Variants in TENM2 observed in about 807,000 individuals in gnomAD.
The protein encoded by TENM2 is teneurin-2.
TENM2 carries 52 observed loss-of-function variants against 245.2 expected under a neutral mutation model. The ratio of observed to expected loss-of-function variants is 0.21; its 90% CI spans 0.17 to 0.27. The LOEUF is 0.27. Ranked by LOEUF, TENM2 falls within the 10% of genes least tolerant of loss-of-function variation. The pLI, the probability that TENM2 is intolerant of heterozygous loss-of-function variation, is 1.00. For missense variants in TENM2, 3,046 were observed against 3,666.8 expected (o/e 0.83, Z 4.37); for synonymous variants, 1,363 against 1,438.9 (o/e 0.95, Z 1.19).
At chr5:167,600,846 A>G (rs1349243172) in intron 2 of TENM2, among the ~76,000 whole-genome samples, 1 of 152,246 alleles carries the variant, frequency 6.6e-6, no homozygotes, top group Non-Finnish European at 1.5e-5. Context: ...TCCTAGACAG[A>G]TGAGACTGTG....
At chr5:167,503,610 T>C (rs1769355757) in intron 2 of TENM2, among the ~76,000 whole-genome samples, 2 of 152,068 alleles carry the variant, frequency 1.3e-5, no homozygotes, top group East Asian at 1.9e-4. Flanking sequence ...AAAACAGATA[T>C]TGGCTGGGAA....
At chr5:167,445,369 A>AGAGAGAGAGAGAGAGAGAGAGTGT (rs35699708) in intron 2 of TENM2, among the ~76,000 whole-genome samples, 3 of 98,602 alleles carry the variant, frequency 3.0e-5, no homozygotes, top group African/African-American at 5.0e-5. Flanking sequence ...AGAGAGAGAG[A>AGAGAGAGAGAGAGAGAGAGAGTGT]GTGTCAGGTG....
At chr5:167,148,412 A>G in the TENM2 span, among the ~76,000 whole-genome samples, 1 of 152,144 alleles carries the variant, frequency 6.6e-6, no homozygotes, top group Non-Finnish European at 1.5e-5. Context: ...TCTTTTGGTG[A>G]CTTCATGATT....
At chr5:167,636,186 A>G (rs1018492939) in intron 2 of TENM2, among the ~76,000 whole-genome samples, 3 of 152,210 alleles carry the variant, frequency 2.0e-5, no homozygotes, top group Admixed American at 6.5e-5. Flanking sequence ...CTATAAAGAA[A>G]TAATAAATCT....
At chr5:167,134,290 C>T in the TENM2 span, among the ~76,000 whole-genome samples, 43 of 152,176 alleles carry the variant, frequency 2.8e-4, no homozygotes, top group African/African-American at 1.0e-3. Flanking sequence ...CATTAGTAGC[C>T]GCATATTGGA....
intron 2 of TENM2, among the ~76,000 whole-genome samples, chr5:167,412,855 G>A (rs1319579524): frequency 6.8e-6 from 1 of 146,564 alleles, no homozygotes; most frequent in South Asian, 2.2e-4. Context: ...TGAGTGCAGA[G>A]TCTGAAAATA....
At chr5:167,405,008 A>G (rs1273884443) in intron 2 of TENM2, among the ~76,000 whole-genome samples, 1 of 152,156 alleles carries the variant, frequency 6.6e-6, no homozygotes, top group Non-Finnish European at 1.5e-5. Context: ...TGCCTATTTT[A>G]GACATTTCAT....
At chr5:167,498,499 AG>A (rs1375306103) in intron 2 of TENM2, among the ~76,000 whole-genome samples, 16 of 152,152 alleles carry the variant, frequency 1.1e-4, no homozygotes. Context: ...TCAACCAAAA[AG>A]GTCTCATCCC....
intron 3 of TENM2, among the ~76,000 whole-genome samples, chr5:167,947,986 G>A (rs956553378): frequency 3.3e-5 from 5 of 152,174 alleles, no homozygotes; most frequent in East Asian, 1.9e-4. Flanking sequence ...TCTATTTGTC[G>A]ATGCTTGGCA....
chr5:167,066,796 G>C, the TENM2 span, among the ~76,000 whole-genome samples: 23 of 152,016 alleles, frequency 1.5e-4, no homozygotes, highest in Non-Finnish European at 2.8e-4. Flanking sequence ...ATCAGCAAGG[G>C]ATTCACAGTT....
At chr5:167,247,937 G>C in the TENM2 span, among the ~76,000 whole-genome samples, 1 of 152,082 alleles carries the variant, frequency 6.6e-6, no homozygotes, top group African/African-American at 2.4e-5. Context: ...CCAAGCATCA[G>C]TGTGACAACT....
chr5:167,266,167 T>C, the TENM2 span, among the ~76,000 whole-genome samples: 2 of 152,168 alleles, frequency 1.3e-5, no homozygotes, highest in Admixed American at 1.3e-4. Flanking sequence ...ATCATAATTG[T>C]GAGATTGCGA....
the TENM2 span, among the ~76,000 whole-genome samples, chr5:167,096,139 T>TTA: frequency 6.6e-6 from 1 of 152,176 alleles, no homozygotes; most frequent in African/African-American, 2.4e-5. Context: ...AAAATAGTAA[T>TTA]TATATATATG....
chr5:167,679,523 C>T (rs1053420980), intron 2 of TENM2, among the ~76,000 whole-genome samples: 3 of 152,162 alleles, frequency 2.0e-5, no homozygotes, highest in South Asian at 2.1e-4. Flanking sequence ...AGCGGGTATG[C>T]GGTAGTGATT....
At chr5:167,706,196 A>G (rs918226013) in intron 2 of TENM2, among the ~76,000 whole-genome samples, 2 of 146,136 alleles carry the variant, frequency 1.4e-5, no homozygotes, top group African/African-American at 5.0e-5. Flanking sequence ...ATAATCATAT[A>G]CTATATAATT....
chr5:168,154,916 C>G (rs1437782882), intron 12 of TENM2, among the ~76,000 whole-genome samples: 1 of 152,236 alleles, frequency 6.6e-6, no homozygotes, highest in Non-Finnish European at 1.5e-5. Flanking sequence ...CTGCCTCTCT[C>G]AATTTGCCAC....
chr5:167,205,070 G>C, the TENM2 span, among the ~76,000 whole-genome samples: 1 of 152,126 alleles, frequency 6.6e-6, no homozygotes, highest in Admixed American at 6.5e-5. Context: ...ATTGGTATGT[G>C]GGGACTCTTT....
At chr5:167,283,534 A>G (rs1371618205), upstream of TENM2, among the ~76,000 whole-genome samples, 2 of 152,228 alleles carry the variant, frequency 1.3e-5, no homozygotes, top group African/African-American at 2.4e-5. Context: ...ATTGCTGTGC[A>G]TAGCTATCTT....
the TENM2 span, among the ~76,000 whole-genome samples, chr5:167,018,072 T>A: frequency 1.3e-5 from 2 of 152,212 alleles, no homozygotes; most frequent in African/African-American, 4.8e-5. Flanking sequence ...ATCTTCTTCA[T>A]AATGTATTCT....
Sources: allele counts gnomAD v4.1 joint callset (sites outside exome capture counted in the v4.1 genomes callset), GRCh38; gene constraint gnomAD v4.1.1; transcripts MANE v1.5; gene names NCBI Gene and HGNC (gene_info 2026-07-23, HGNC 2026-07-21).